The following PARD6G variants were observed in gnomAD, a reference collection of about 807,000 sequenced individuals.
The protein encoded by PARD6G is partitioning defective 6 homolog gamma.
A neutral mutation model predicts 10.7 loss-of-function variants in PARD6G; 7 were observed. The ratio of observed to expected loss-of-function variants is 0.66; its 90% CI spans 0.37 to 1.23. The LOEUF (loss-of-function observed/expected upper bound fraction) is 1.23, where lower values mean the gene tolerates loss of function less well. PARD6G is among the 50% of genes most tolerant of loss of function. The probability of loss-of-function intolerance (pLI) is 0.02; values close to 1 mark genes in which losing one functional copy is unlikely to be tolerated. For missense variants in PARD6G, 548 were observed against 571.8 expected, an observed-to-expected ratio of 0.96 and a Z score of 0.42; for synonymous variants, 287 against 269.4, an observed-to-expected ratio of 1.07 and a Z score of -0.64.
chr18:80,166,429 C>T (rs964387011), intron 2 of PARD6G, among the ~76,000 whole-genome samples: 13 of 151,342 alleles, frequency 8.6e-5, no homozygotes, highest in African/African-American at 2.7e-4. Flanking sequence ...GTGTGACCCT[C>T]GGTCATGGGG....
At chr18:80,237,691 T>C (rs1176305100) in intron 1 of PARD6G, among the ~76,000 whole-genome samples, 1 of 152,126 alleles carries the variant, frequency 6.6e-6, no homozygotes, top group African/African-American at 2.4e-5. Flanking sequence ...GTGAAGGATA[T>C]GAACAGACAC....
chr18:80,240,492 A>G (rs1122752), intron 1 of PARD6G, among the ~76,000 whole-genome samples: 27,902 of 152,070 alleles, frequency 0.18, 3,366 homozygotes, highest in African/African-American at 0.34. Context: ...TCCCACCTCC[A>G]ATGCTGAGCT....
intron 1 of PARD6G, among the ~76,000 whole-genome samples, chr18:80,234,351 G>A (rs986496877): frequency 1.2e-4 from 19 of 152,230 alleles, no homozygotes; most frequent in Non-Finnish European, 2.6e-4. Context: ...CACAGAATTC[G>A]AAGAAGGGTT....
intron 1 of PARD6G, among the ~76,000 whole-genome samples, chr18:80,215,536 T>C (rs1167872109): frequency 6.6e-6 from 1 of 152,296 alleles, no homozygotes; most frequent in East Asian, 1.9e-4. Flanking sequence ...AATTTTTGTA[T>C]ATAATTGAAA....
intron 1 of PARD6G, among the ~76,000 whole-genome samples, chr18:80,240,363 A>C (rs1390588904): frequency 6.6e-6 from 1 of 152,232 alleles, no homozygotes; most frequent in African/African-American, 2.4e-5. Flanking sequence ...GTAATTTTCT[A>C]AATTTGCTCA....
chr18:80,160,521 C>T lies in PARD6G; in HGVS notation c.381G>A (p.Arg127=), dbSNP rs750291964. The T allele has an allele frequency of 6.6e-6, 10 of 1,519,544 alleles. No homozygotes were observed. The South Asian group carries it at 9.2e-5, about 14-fold the overall frequency. The allele number at this position is 1,519,544 out of a possible 1,614,324, so 94.1% of individuals were successfully genotyped here. A position where few individuals can be genotyped will look rare whatever the true frequency, so the allele number is the denominator to read the frequency against. The change falls in exon 3 of 3, where the codon CGG becomes CGA. Residue 127 remains arginine (R), a synonymous_variant. Coordinates refer to ENST00000353265, the MANE Select transcript of PARD6G (RefSeq NM_032510.4). ...ALGALRDEGP[R]RRAHLDIGLP... ...GGCCGATGTCCAGGTGTGCACGCCG[C>T]CGGGGTCCTTCATCACGCAGCGCGC...
chr18:80,222,549 A>G (rs1465749201), intron 1 of PARD6G, among the ~76,000 whole-genome samples: 1 of 152,218 alleles, frequency 6.6e-6, no homozygotes, highest in Non-Finnish European at 1.5e-5. Context: ...AACGAAAAAC[A>G]TAGTTGAAGA....
chr18:80,180,447 G>A lies in PARD6G; in HGVS notation c.296-19841C>T, dbSNP rs1281629553. On this transcript the variant is annotated intron_variant, in intron 2 of 2. Coordinates refer to ENST00000353265, the MANE Select transcript of PARD6G (RefSeq NM_032510.4). The surrounding 1 kb of genome is among the most constrained non-coding windows in gnomAD (Gnocchi z 5.6). Reference sequence around the variant, plus strand: ...ACAGAGGCTCCCAGGCTACACTGGAGGAGGCTCTGCTCCATGGTGTACACC... The same window carrying A: ...ACAGAGGCTCCCAGGCTACACTGGAAGAGGCTCTGCTCCATGGTGTACACC... Among the ~76,000 whole-genome samples the A allele has an allele frequency of 6.6e-6, 1 of 152,154 alleles. No individual in the cohort carries two copies. The highest frequency in any genetic ancestry group is 1.5e-5 in the Non-Finnish European group (1 of 68,010).
rs924935688 is a variant in PARD6G, at chr18:80,189,743, G to T, written c.295+12967C>A. Among the ~76,000 whole-genome samples the T allele has an allele frequency of 1.3e-5, 2 of 152,096 alleles. No homozygotes were observed. Among genetic ancestry groups the T allele is most frequent in the African/African-American group, 4.8e-5 (2 of 41,414 alleles). ...GGCTGTTCTTTCATCTCCCAGATGAGACCCGACCTCTCCTTCCAGAGAGAA... is the reference window on the plus strand; with the variant it reads ...GGCTGTTCTTTCATCTCCCAGATGATACCCGACCTCTCCTTCCAGAGAGAA... On this transcript the variant is annotated intron_variant, in intron 2 of 2. Transcript: ENST00000353265. The surrounding 1 kb of genome is among the most constrained non-coding windows in gnomAD (Gnocchi z 5.5).
Position 80,243,667 on chromosome 18 carries a change from C to T in PARD6G, c.72+3610G>A, listed in dbSNP as rs141782394. Among the ~76,000 whole-genome samples, 890 of 152,208 alleles carry T rather than the reference C, an allele frequency of 5.8e-3. 2 individuals are homozygous for T. The highest frequency in any genetic ancestry group is 0.021 in the South Asian group (103 of 4,818). On this transcript the variant is annotated intron_variant, in intron 1 of 2. Coordinates refer to ENST00000353265, the MANE Select transcript of PARD6G (RefSeq NM_032510.4). The stretch of plus-strand genomic sequence containing the variant: ...TGTGGCACCAGCATCATGACAAGTG[C>T]CAATAAGATGACCAGAAACACCAAG...
At chr18:80,166,864 T>C (rs958024798) in intron 2 of PARD6G, among the ~76,000 whole-genome samples, 15 of 151,842 alleles carry the variant, frequency 9.9e-5, no homozygotes, top group Admixed American at 3.9e-4. Context: ...GCCACCTCTT[T>C]TGGGGCCCCA....
intron 1 of PARD6G, among the ~76,000 whole-genome samples, chr18:80,217,097 C>G (rs369979468): frequency 6.0e-5 from 9 of 151,260 alleles, no homozygotes; most frequent in African/African-American, 2.2e-4. Context: ...TAAAGAAGTG[C>G]CCCAAAACAA....
At chr18:80,178,339 T>C (rs192226803) in intron 2 of PARD6G, 450 of 152,828 alleles carry the variant, frequency 2.9e-3, no homozygotes, top group Non-Finnish European at 5.0e-3. Flanking sequence ...CCGAGCTCAG[T>C]GTCCGCTGCT....
chr18:80,193,307 A>G (rs1445776587), intron 2 of PARD6G, among the ~76,000 whole-genome samples: 1 of 152,192 alleles, frequency 6.6e-6, no homozygotes, highest in Non-Finnish European at 1.5e-5. Flanking sequence ...CAGAGACTCA[A>G]CAAACTCCAT....
At chr18:80,218,635 G>A (rs1967196271) in intron 1 of PARD6G, among the ~76,000 whole-genome samples, 1 of 152,160 alleles carries the variant, frequency 6.6e-6, no homozygotes, top group African/African-American at 2.4e-5. Context: ...TACCATTCTG[G>A]GGTCTGGAGG....
intron 2 of PARD6G, among the ~76,000 whole-genome samples, chr18:80,190,907 C>A (rs1186863774): frequency 6.6e-6 from 1 of 152,130 alleles, no homozygotes; most frequent in Non-Finnish European, 1.5e-5. Flanking sequence ...CCTATTTGCC[C>A]AAATTCTCTG....
chr18:80,235,355 A>C (rs981672415), intron 1 of PARD6G, among the ~76,000 whole-genome samples: 1 of 152,224 alleles, frequency 6.6e-6, no homozygotes, highest in Non-Finnish European at 1.5e-5. Context: ...ACACATTCAA[A>C]GCAGTGTGTA....
intron 1 of PARD6G, among the ~76,000 whole-genome samples, chr18:80,223,763 G>T (rs979491908): frequency 1.3e-5 from 2 of 152,184 alleles, no homozygotes; most frequent in Non-Finnish European, 1.5e-5. Flanking sequence ...GGCACTCAGT[G>T]GAGACTCTGC....
chr18:80,205,354 A>G (rs1027937647), intron 1 of PARD6G, among the ~76,000 whole-genome samples: 7 of 152,144 alleles, frequency 4.6e-5, no homozygotes, highest in Non-Finnish European at 1.0e-4. Context: ...CATTTATTTC[A>G]CTAACATCAA....
Sources: allele counts gnomAD v4.1 joint callset (sites outside exome capture counted in the v4.1 genomes callset), GRCh38; gene constraint gnomAD v4.1.1; non-coding constraint Gnocchi (gnomAD v3.1); transcripts MANE v1.5; gene names NCBI Gene and HGNC (gene_info 2026-07-23, HGNC 2026-07-21).